The following POU2AF3 variants were observed in gnomAD, a reference collection of about 807,000 sequenced individuals.
The protein encoded by POU2AF3 is POU class 2 homeobox associating factor 3.
At chr11:111,299,248 G>A in the POU2AF3 span, 2,645 of 986,202 alleles carry the variant, frequency 2.7e-3, 3 homozygotes, top group Non-Finnish European at 3.1e-3. Flanking sequence ...CTGGCATCCT[G>A]GCACTATCTC....
the POU2AF3 span, among the ~76,000 whole-genome samples, chr11:111,302,456 C>T: frequency 6.6e-6 from 1 of 152,174 alleles, no homozygotes; most frequent in Non-Finnish European, 1.5e-5. Flanking sequence ...CTCAGCTGCA[C>T]CTGGAGAGCC....
chr11:111,308,589 T>C, the POU2AF3 span: 17 of 817,716 alleles, frequency 2.1e-5, no homozygotes, highest in Middle Eastern at 3.7e-4. Flanking sequence ...AGCATTCATA[T>C]GAAGTCCTCA....
chr11:111,298,828 C>CCGGG, the POU2AF3 span: 1 of 411,066 alleles, frequency 2.4e-6, no homozygotes. Context: ...TACCCCAGGC[C>CCGGG]CCCGCCCGCC....
At chr11:111,304,074 T>A in the POU2AF3 span, among the ~76,000 whole-genome samples, 3 of 152,166 alleles carry the variant, frequency 2.0e-5, no homozygotes, top group African/African-American at 7.2e-5. Flanking sequence ...AGTACTGGAA[T>A]AATTCCCGAC....
the POU2AF3 span, among the ~76,000 whole-genome samples, chr11:111,302,297 C>T: frequency 1.3e-5 from 2 of 152,200 alleles, no homozygotes; most frequent in African/African-American, 4.8e-5. Context: ...GTCTGATAGC[C>T]TCAACCCCTT....
chr11:111,300,145 C>CCT, the POU2AF3 span: 2 of 365,638 alleles, frequency 5.5e-6, no homozygotes, highest in Non-Finnish European at 9.7e-6. Flanking sequence ...TCCATAATAC[C>CCT]CTCTCTCTCG....
the POU2AF3 span, chr11:111,300,348 CT>C: frequency 1.4e-5 from 5 of 350,268 alleles, no homozygotes; most frequent in African/African-American, 8.4e-5. Context: ...TGCTCAGCTA[CT>C]CTTCATTCTT....
At chr11:111,306,288 C>A in the POU2AF3 span, 1 of 529,984 alleles carries the variant, frequency 1.9e-6, no homozygotes, top group Non-Finnish European at 3.0e-6. Context: ...ATTTGTTAAG[C>A]CCCCTTTCCC....
the POU2AF3 span, chr11:111,299,326 C>T: frequency 2.0e-6 from 2 of 988,340 alleles, no homozygotes; most frequent in Non-Finnish European, 2.4e-6. Flanking sequence ...GGCGCGATTC[C>T]TGGACGCACA....
the POU2AF3 span, chr11:111,307,996 A>G: frequency 7.2e-7 from 1 of 1,385,124 alleles, no homozygotes; most frequent in Non-Finnish European, 9.5e-7. Context: ...TGCATTGGTA[A>G]ACCCACACTG....
the POU2AF3 span, chr11:111,308,216 CA>C: frequency 6.4e-7 from 1 of 1,551,788 alleles, no homozygotes. Flanking sequence ...CCCAGAAGAC[CA>C]TTCCTACCAA....
chr11:111,300,767 C>T, the POU2AF3 span: 435 of 378,836 alleles, frequency 1.1e-3, 3 homozygotes, highest in African/African-American at 8.4e-3. Context: ...ACTTCTGTAC[C>T]CAGCTGCATC....
At chr11:111,308,302 G>C in the POU2AF3 span, 1 of 1,551,742 alleles carries the variant, frequency 6.4e-7, no homozygotes. Flanking sequence ...CATCGTGTGA[G>C]GCAGAGGACT....
At chr11:111,298,890 G>T in the POU2AF3 span, 61 of 1,128,366 alleles carry the variant, frequency 5.4e-5, no homozygotes, top group African/African-American at 9.5e-4. Flanking sequence ...GACCCTGCGC[G>T]CCCAGAAGCT....
chr11:111,300,282 G>A, the POU2AF3 span: 1 of 323,040 alleles, frequency 3.1e-6, no homozygotes, highest in Non-Finnish European at 5.6e-6. Flanking sequence ...GCCCAGCCAG[G>A]GGTGGATGGC....
At chr11:111,298,829 C>CGGGGG in the POU2AF3 span, 2 of 388,154 alleles carry the variant, frequency 5.2e-6, no homozygotes, top group Non-Finnish European at 8.7e-6. Flanking sequence ...ACCCCAGGCC[C>CGGGGG]CCGCCCGCCC....
chr11:111,304,762 A>G, the POU2AF3 span: 1 of 398,636 alleles, frequency 2.5e-6, no homozygotes, highest in African/African-American at 2.1e-5. Context: ...TTTTGTACAA[A>G]AATTTGTCAA....
At chr11:111,298,722 G>C in the POU2AF3 span, 1 of 1,098,436 alleles carries the variant, frequency 9.1e-7, no homozygotes, top group African/African-American at 1.6e-5. Flanking sequence ...CCGGGGATCC[G>C]GAGAGGACGC....
the POU2AF3 span, among the ~76,000 whole-genome samples, chr11:111,303,541 A>C: frequency 6.6e-6 from 1 of 152,192 alleles, no homozygotes; most frequent in African/African-American, 2.4e-5. Context: ...GGAGGCAGAC[A>C]AACAGGCCAA....
Sources: allele counts gnomAD v4.1 joint callset (sites outside exome capture counted in the v4.1 genomes callset), GRCh38; gene constraint gnomAD v4.1.1; transcripts MANE v1.5; gene names NCBI Gene and HGNC (gene_info 2026-07-23, HGNC 2026-07-21).